Variants in MCFD2 observed in about 807,000 individuals in gnomAD.
The protein encoded by MCFD2 is multiple coagulation factor deficiency protein 2.
MCFD2 carries 11 observed loss-of-function variants against 12.8 expected under a neutral mutation model. The observed-to-expected ratio is 0.86, with a 90% CI of 0.54 to 1.42. The LOEUF is 1.42. Among genes scored for constraint, MCFD2 ranks in the 40% most tolerant of loss-of-function variants. The probability of loss-of-function intolerance (pLI) is 0.00; values close to 1 mark genes in which losing one functional copy is unlikely to be tolerated. For missense variants in MCFD2, 191 were observed against 178.6 expected (o/e 1.07, Z -0.40); for synonymous variants, 70 against 68.1 (o/e 1.03, Z -0.14).
chr2:46,913,321 G>A (rs1022300513), intron 1 of MCFD2, among the ~76,000 whole-genome samples: 17 of 152,182 alleles, frequency 1.1e-4, no homozygotes, highest in Non-Finnish European at 1.8e-4. Flanking sequence ...GCTGAGGCAA[G>A]TGAATCACTT....
At chr2:46,931,689 CAATA>C (rs138244901) in intron 1 of MCFD2, among the ~76,000 whole-genome samples, 58 of 116,660 alleles carry the variant, frequency 5.0e-4, no homozygotes, top group African/African-American at 2.1e-3. Flanking sequence ...CAAAAACAGA[CAATA>C]ATAAATAAAT....
chr2:46,938,291 G>A (rs1216825850), intron 1 of MCFD2, among the ~76,000 whole-genome samples: 1 of 152,142 alleles, frequency 6.6e-6, no homozygotes, highest in African/African-American at 2.4e-5. Flanking sequence ...CAAACTTGAT[G>A]GATATAGGAA....
chr2:46,920,604 T>G (rs1418434360), upstream of MCFD2, among the ~76,000 whole-genome samples: 2 of 151,920 alleles, frequency 1.3e-5, no homozygotes, highest in African/African-American at 4.8e-5. Flanking sequence ...GTGCTGAGAT[T>G]ATAGGCATGA....
chr2:46,915,514 C>T (rs1424991180), intron 1 of MCFD2, among the ~76,000 whole-genome samples: 1 of 152,196 alleles, frequency 6.6e-6, no homozygotes, highest in Admixed American at 6.5e-5. Flanking sequence ...CCCAGTCGGC[C>T]CCGTCTGGCT....
chr2:46,921,998 CAATA>C (rs1178705838), intron 1 of MCFD2, among the ~76,000 whole-genome samples: 5 of 152,086 alleles, frequency 3.3e-5, no homozygotes, highest in Non-Finnish European at 7.4e-5. Context: ...AGGGAGATAA[CAATA>C]AAAAACTAAA....
Position 46,905,358 on chromosome 2 carries a change from A to T in MCFD2, c.*105T>A, listed in dbSNP as rs1668175036. 3 of 1,310,920 alleles carry T rather than the reference A, an allele frequency of 2.3e-6. No individual in the cohort carries two copies. The African/African-American group carries it at 4.3e-5, about 19-fold the overall frequency. 81.2% of individuals were successfully genotyped at this position (1,310,920 alleles called of 1,614,324 possible). ...CGAATCGCTACAGGTTTTTACCAAA[A>T]TGCTGCAGCAGTAGTTGGAAATGAG... On this transcript the variant is annotated 3_prime_UTR_variant, in exon 4 of 4. Transcript: ENST00000319466.
In MCFD2 at chr2:46,941,746, GCT is replaced by G; in HGVS notation, c.-184_-183del. The G allele has an allele frequency of 2.6e-6, 4 of 1,547,826 alleles. No individual in the cohort carries two copies. Among genetic ancestry groups the G allele is most frequent in the Non-Finnish European group, 3.5e-6 (4 of 1,145,962 alleles). ...CACCGGTGAGTAAGGGAAGAGGCTG[GCT>G]CGCCGGCAGCGAGCGCGCGAAACGC... On this transcript the variant is annotated 5_prime_UTR_variant, in exon 1 of 3. Coordinates refer to the MCFD2 transcript ENST00000409147. The surrounding 1 kb of genome is among the most constrained non-coding windows in gnomAD (Gnocchi z 4.2).
chr2:46,932,935 T>C (rs13389626), intron 1 of MCFD2, among the ~76,000 whole-genome samples: 185 of 150,740 alleles, frequency 1.2e-3, no homozygotes, highest in Non-Finnish European at 2.1e-3. Flanking sequence ...AGCAAAGATA[T>C]ATTTTAAGGC....
rs757318063 is a variant in MCFD2, at chr2:46,904,973, T to C, written c.*490A>G. 1 of 225,632 alleles carries C rather than the reference T, an allele frequency of 4.4e-6. No homozygotes were observed. The highest frequency in any genetic ancestry group is 2.3e-5 in the African/African-American group (1 of 43,320). The allele number at this position is 225,632 out of a possible 1,614,324, so 14.0% of individuals were successfully genotyped here. A position where few individuals can be genotyped will look rare whatever the true frequency, so the allele number is the denominator to read the frequency against. ...GACCCAAGGGGAGGTAATTGAATCATGGGGGCCAGTCTTTCCCATGCTATT... is the reference window on the plus strand; with the variant it reads ...GACCCAAGGGGAGGTAATTGAATCACGGGGGCCAGTCTTTCCCATGCTATT... On this transcript the variant is annotated 3_prime_UTR_variant, in exon 4 of 4. Transcript: ENST00000319466.
At chr2:46,930,563 G>A (rs772299044) in intron 1 of MCFD2, among the ~76,000 whole-genome samples, 6 of 148,844 alleles carry the variant, frequency 4.0e-5, no homozygotes, top group Non-Finnish European at 7.4e-5. Context: ...GCAGTGGCGC[G>A]ATCTTGGCTC....
upstream of MCFD2, chr2:46,917,163 T>C (rs975749689): frequency 4.3e-6 from 3 of 693,074 alleles, no homozygotes; most frequent in African/African-American, 5.3e-5. Context: ...TAATCCCTAA[T>C]TTTTTTTTCT....
At chr2:46,917,766 T>G (rs1375682107), upstream of MCFD2, among the ~76,000 whole-genome samples, 1 of 152,196 alleles carries the variant, frequency 6.6e-6, no homozygotes, top group African/African-American at 2.4e-5. Flanking sequence ...CTCTTTGATC[T>G]CTTGTTTTTA....
intron 1 of MCFD2, among the ~76,000 whole-genome samples, chr2:46,924,085 G>A (rs1251443809): frequency 6.6e-6 from 1 of 151,896 alleles, no homozygotes; most frequent in Non-Finnish European, 1.5e-5. Context: ...TGGGCCTGTA[G>A]TCCAGCTACC....
chr2:46,905,268 G>C lies in MCFD2; in HGVS notation c.*195C>G. On this transcript the variant is annotated 3_prime_UTR_variant, in exon 4 of 4. Transcript: ENST00000319466. ...CCAATAAGGTATTTAATAGCACTTA[G>C]GGACTATTAGATGTCCCATTTCTCT... The C allele has an allele frequency of 4.7e-6, 3 of 636,936 alleles. No individual in the cohort carries two copies. The highest frequency in any genetic ancestry group is 8.5e-6 in the Non-Finnish European group (3 of 351,464). The allele number at this position is 636,936 out of a possible 1,614,324, so 39.5% of individuals were successfully genotyped here.
chr2:46,916,061 G>C (rs1295783087), upstream of MCFD2: 2 of 985,338 alleles, frequency 2.0e-6, no homozygotes, highest in Admixed American at 1.2e-4. Flanking sequence ...GCTAGGCAAC[G>C]CCGGAAGCCC....
rs1179015714 is a variant in MCFD2, at chr2:46,941,702, C to T, written c.-138G>A. On this transcript the variant is annotated 5_prime_UTR_variant, in exon 1 of 3. Transcript: ENST00000409147. This position sits in a 1 kb window ranked among gnomAD's most constrained non-coding sequence, Gnocchi z 4.2. The stretch of plus-strand genomic sequence containing the variant: ...GGTAACAGGCGAGGCAGCCCGAGCG[C>T]AGCGTTCACCTTTCCGGACACCGGT... The T allele has an allele frequency of 3.9e-6, 6 of 1,550,614 alleles. No individual in the cohort carries two copies. Among genetic ancestry groups the T allele is most frequent in the Non-Finnish European group, 5.2e-6 (6 of 1,147,382 alleles).
At chr2:46,915,682 C>T (rs1245432376) in intron 1 of MCFD2, 41 bp downstream of exon 1, 10 of 822,408 alleles carry the variant, frequency 1.2e-5, no homozygotes, top group African/African-American at 1.8e-5. Context: ...GGAGAGGCGC[C>T]GGGATCCCGC....
chr2:46,932,900 C>CAAAAA (rs34183870), intron 1 of MCFD2, among the ~76,000 whole-genome samples: 1,943 of 69,314 alleles, frequency 0.028, 55 homozygotes, highest in African/African-American at 0.094. Context: ...GACTCCATCT[C>CAAAAA]AAAAAAAAAA....
intron 1 of MCFD2, 58 bp downstream of exon 1, chr2:46,915,665 G>C: frequency 1.5e-5 from 10 of 657,118 alleles, no homozygotes; most frequent in Non-Finnish European, 1.9e-5. Context: ...CAAGCCTCCA[G>C]CCCACAGGAG....
Sources: gnomAD v4.1 joint callset for allele counts (sites outside exome capture counted in the v4.1 genomes callset) on GRCh38, gnomAD v4.1.1 for gene constraint, Gnocchi (gnomAD v3.1) non-coding constraint, MANE v1.5 for transcripts, NCBI Gene and HGNC (gene_info 2026-07-23, HGNC 2026-07-21) for gene names.